Variants in XPO6 observed in about 807,000 individuals in gnomAD.
XPO6 encodes exportin-6.
In XPO6, 3 loss-of-function variants were observed where a neutral mutation model predicts 130.0. The ratio of observed to expected loss-of-function variants is 0.02; its 90% CI spans 0.01 to 0.06. XPO6 has a LOEUF of 0.06. Ranked by LOEUF, XPO6 falls within the 10% of genes least tolerant of loss-of-function variation. XPO6 has a pLI of 1.00. For missense variants in XPO6, 970 were observed against 1,393.0 expected (o/e 0.70, Z 4.83); for synonymous variants, 524 against 548.9 (o/e 0.95, Z 0.63).
chr16:28,114,729 G>A (rs1415854951), intron 15 of XPO6, among the ~76,000 whole-genome samples: 2 of 152,110 alleles, frequency 1.3e-5, no homozygotes, highest in East Asian at 1.9e-4. Flanking sequence ...TTGCTGCATC[G>A]ATTGACTTCC....
At position 28,211,384 on chromosome 16, in the gene XPO6, G is replaced by C; in HGVS notation, c.-16C>G. The C allele has an allele frequency of 7.6e-7, 1 of 1,312,502 alleles. No homozygotes were observed. The highest frequency in any genetic ancestry group is 2.8e-5 in the East Asian group (1 of 35,672). The allele number at this position is 1,312,502 out of a possible 1,614,324, so 81.3% of individuals were successfully genotyped here. A position where few individuals can be genotyped will look rare whatever the true frequency, so the allele number is the denominator to read the frequency against. The stretch of plus-strand genomic sequence containing the variant: ...CACTTACCATGCTGGCCGGGGAGGG[G>C]GCGGCTCAGATGAGCTGGTTCTTGG... On this transcript the variant is annotated 5_prime_UTR_variant, in exon 1 of 24. Coordinates refer to ENST00000304658, the MANE Select transcript of XPO6 (RefSeq NM_015171.4).
chr16:28,186,724 T>A (rs2043702541), intron 1 of XPO6, among the ~76,000 whole-genome samples: 1 of 149,084 alleles, frequency 6.7e-6, no homozygotes, highest in East Asian at 2.0e-4. Flanking sequence ...CAGACTGGAG[T>A]GCAGTGGAAC....
At chr16:28,110,152 GT>G (rs2086883176) in intron 17 of XPO6, among the ~76,000 whole-genome samples, 1 of 152,128 alleles carries the variant, frequency 6.6e-6, no homozygotes, top group Non-Finnish European at 1.5e-5. Context: ...GGGTTACAGG[GT>G]TACACAGGAA....
intron 5 of XPO6, among the ~76,000 whole-genome samples, chr16:28,168,453 A>G (rs1186614115): frequency 6.6e-6 from 1 of 152,128 alleles, no homozygotes; most frequent in Admixed American, 6.5e-5. Context: ...ACCGCACTCC[A>G]GCCTGAGCAA....
chr16:28,159,692 G>A (rs2043240715), intron 6 of XPO6, among the ~76,000 whole-genome samples: 1 of 152,200 alleles, frequency 6.6e-6, no homozygotes, highest in Non-Finnish European at 1.5e-5. Context: ...TCTTTCACAA[G>A]GAAGAAGTCT....
At position 28,107,502 on chromosome 16, in the gene XPO6, G is replaced by T. The variant is rs1316659531; in HGVS notation, c.2497+20C>A. On this transcript the variant is annotated intron_variant, in intron 18 of 23. Transcript: ENST00000304658. ...CTTGTTAGCACCACCCACCAGTGGGGCCTCTGGGCCAGCTCCTACCTGACT... is the reference window on the plus strand; with the variant it reads ...CTTGTTAGCACCACCCACCAGTGGGTCCTCTGGGCCAGCTCCTACCTGACT... 3 of 1,613,360 alleles carry T rather than the reference G, an allele frequency of 1.9e-6. No homozygotes were observed. Among genetic ancestry groups the T allele is most frequent in the Non-Finnish European group, 1.7e-6 (2 of 1,179,604 alleles).
intron 17 of XPO6, 145 bp from the exon 18 acceptor site, chr16:28,107,822 A>G (rs2086820386): frequency 1.1e-6 from 1 of 909,876 alleles, no homozygotes; most frequent in Non-Finnish European, 1.7e-6. Flanking sequence ...TCTTGATTAC[A>G]ATATAAATTC....
chr16:28,161,949 T>C (rs1297816116), intron 6 of XPO6, among the ~76,000 whole-genome samples: 1 of 152,218 alleles, frequency 6.6e-6, no homozygotes, highest in Admixed American at 6.5e-5. Context: ...TTCTCCTCTG[T>C]ATTAAAGTGA....
rs2042687342 is a variant in XPO6, at chr16:28,132,298, A to G, written c.1606+36T>C. 6.8e-7 allele frequency: 1 copy of G among 1,480,464 alleles called. No homozygotes were observed. Among genetic ancestry groups the G allele is most frequent in the African/African-American group, 1.4e-5 (1 of 71,234 alleles). 91.7% of individuals were successfully genotyped at this position (1,480,464 alleles called of 1,614,324 possible). A position where few individuals can be genotyped will look rare whatever the true frequency, so the allele number is the denominator to read the frequency against. The stretch of plus-strand genomic sequence containing the variant: ...AAATATCAGTCCGATGGTTTTTTGA[A>G]TGTTTGGTTAAATTAGAAAATAAAA... On this transcript the variant is annotated intron_variant, in intron 12 of 23. Transcript: ENST00000304658. The surrounding 1 kb of genome is among the most constrained non-coding windows in gnomAD (Gnocchi z 4.0).
chr16:28,157,462 TA>T (rs1821191525), intron 6 of XPO6, among the ~76,000 whole-genome samples: 1 of 151,156 alleles, frequency 6.6e-6, no homozygotes, highest in African/African-American at 2.4e-5. Context: ...TCTCAAAAAA[TA>T]AAAAATAAAA....
Position 28,099,869 on chromosome 16 carries a change from A to T in XPO6, c.3277-1230T>A, listed in dbSNP as rs145637897. Among the ~76,000 whole-genome samples the T allele has an allele frequency of 4.5e-3, 687 of 152,320 alleles. 7 individuals carry two copies. The highest frequency in any genetic ancestry group is 0.016 in the African/African-American group (667 of 41,582). ...TGATTCTTTTATTTTACCCTCAAAA[A>T]ACCAACTAAGGGATGTCTTTTAAAT... On this transcript the variant is annotated intron_variant, in intron 23 of 23. Transcript: ENST00000304658.
chr16:28,152,721 A>C lies in XPO6; in HGVS notation c.1162T>G (p.Ser388Ala). 6.2e-7 allele frequency: 1 copy of C among 1,613,604 alleles called. No individual in the cohort carries two copies. The highest frequency in any genetic ancestry group is 1.1e-5 in the South Asian group (1 of 90,976). Residue 388 changes from serine (S) to alanine (A), a missense_variant, in exon 8 of 24, where the codon TCT (serine) becomes GCT (alanine). By Grantham distance (99) the Ser-to-Ala change is moderately conservative (BLOSUM62 1). Around this residue, in one of 4 missense-constraint regions of XPO6, gnomAD observed 936 missense variants for 1,306.8 expected, o/e 0.72. Transcript: ENST00000304658. The part of the protein sequence containing the change: ...FVSVHLRRIE[S>A]YSQFPVVEFL... ...TCCACCACAGGGAACTGGGAGTAAG[A>C]CTCGATTCTTCTTAGGTGAACACTC...
At chr16:28,203,269 C>T (rs1358496455) in intron 1 of XPO6, among the ~76,000 whole-genome samples, 4 of 149,454 alleles carry the variant, frequency 2.7e-5, no homozygotes, top group African/African-American at 9.9e-5. Context: ...GAGTAAGACC[C>T]CATCTCAAAA....
At chr16:28,150,237 G>A (rs1211768517) in intron 8 of XPO6, among the ~76,000 whole-genome samples, 1 of 152,200 alleles carries the variant, frequency 6.6e-6, no homozygotes, top group Non-Finnish European at 1.5e-5. Flanking sequence ...TCATACAGGA[G>A]ACAGGAGAGC....
At chr16:28,141,608 G>A (rs1406973835) in intron 9 of XPO6, among the ~76,000 whole-genome samples, 2 of 152,098 alleles carry the variant, frequency 1.3e-5, no homozygotes, top group Non-Finnish European at 2.9e-5. Context: ...ATTCCACTCT[G>A]CAGGAATGGC....
intron 17 of XPO6, among the ~76,000 whole-genome samples, chr16:28,107,891 C>T (rs1279501570): frequency 6.6e-6 from 1 of 152,096 alleles, no homozygotes; most frequent in African/African-American, 2.4e-5. Flanking sequence ...ACTCCAGAAG[C>T]CTGGAATGTG....
chr16:28,121,912 G>C (rs2087251853), intron 13 of XPO6, 150 bp from the exon 14 acceptor site: 3 of 593,986 alleles, frequency 5.1e-6, no homozygotes, highest in South Asian at 4.1e-5. Flanking sequence ...TTATGCCAAG[G>C]AAATAATCTG....
intron 16 of XPO6, among the ~76,000 whole-genome samples, chr16:28,112,232 A>C (rs569618813): frequency 6.6e-6 from 1 of 152,332 alleles, no homozygotes; most frequent in South Asian, 2.1e-4. Context: ...ACCCAGAGCT[A>C]ACCTCTCGTT....
At chr16:28,133,535 T>C (rs1417453080) in intron 11 of XPO6, among the ~76,000 whole-genome samples, 2 of 152,162 alleles carry the variant, frequency 1.3e-5, no homozygotes, top group East Asian at 3.9e-4. Context: ...TTTTCAGCAA[T>C]GTAACTTCTA....
Sources: allele counts gnomAD v4.1 joint callset (sites outside exome capture counted in the v4.1 genomes callset), GRCh38; gene constraint gnomAD v4.1.1; regional missense constraint gnomAD v4.1.1; non-coding constraint Gnocchi (gnomAD v3.1); transcripts MANE v1.5; gene names NCBI Gene and HGNC (gene_info 2026-07-23, HGNC 2026-07-21).